LONP2: variants seen among roughly 807,000 people sequenced by gnomAD.
LONP2 encodes the protein lon protease homolog 2, peroxisomal.
In LONP2, 60 loss-of-function variants were observed where a neutral mutation model predicts 85.6. The observed-to-expected ratio is 0.70, with a 90% CI of 0.57 to 0.87. The LOEUF (loss-of-function observed/expected upper bound fraction) is 0.87, where lower values mean the gene tolerates loss of function less well. LONP2 is among the 40% of genes least tolerant of loss of function. The probability of loss-of-function intolerance (pLI) is 0.00; values close to 1 mark genes in which losing one functional copy is unlikely to be tolerated. For synonymous variants in LONP2, 395 were observed against 389.7 expected (o/e 1.01, Z -0.16); for missense variants, 860 against 1,063.5 (o/e 0.81, Z 2.66).
chr16:48,357,386 A>T (rs907369022), downstream of LONP2: 1 of 152,226 alleles, frequency 6.6e-6, no homozygotes, highest in Non-Finnish European at 1.5e-5. Context: ...AAACTACCAA[A>T]TACTCCTTTG....
At chr16:48,304,698 C>A (rs1972875843) in intron 11 of LONP2, among the ~76,000 whole-genome samples, 2 of 151,994 alleles carry the variant, frequency 1.3e-5, no homozygotes, top group Non-Finnish European at 2.9e-5. Flanking sequence ...AGCGAGACTC[C>A]ATCTCAAAAA....
chr16:48,255,655 CA>C lies in LONP2; in HGVS notation c.469-954del, dbSNP rs200786834. ...TTGAGTTGTAATAATTCCCATGTGT[CA>C]GGGGGCGGTGCCAGGTGTAGATAAT... On this transcript the variant is annotated intron_variant, in intron 2 of 14. Coordinates refer to ENST00000285737, the MANE Select transcript of LONP2 (RefSeq NM_031490.5). Among the ~76,000 whole-genome samples, 1,131 of 152,086 alleles carry C rather than the reference CA, an allele frequency of 7.4e-3. 11 individuals carry two copies. The highest frequency in any genetic ancestry group is 0.021 in the African/African-American group (865 of 41,494).
At chr16:48,309,292 G>T (rs1972979691) in intron 11 of LONP2, among the ~76,000 whole-genome samples, 1 of 152,096 alleles carries the variant, frequency 6.6e-6, no homozygotes, top group Admixed American at 6.5e-5. Flanking sequence ...TCCCACTACT[G>T]GGTATATACC....
chr16:48,333,058 T>G (rs1596993215), intron 11 of LONP2, among the ~76,000 whole-genome samples: 1 of 152,194 alleles, frequency 6.6e-6, no homozygotes, highest in East Asian at 1.9e-4. Context: ...GACAAGAAGT[T>G]AGAACAATTA....
chr16:48,281,862 A>C (rs927844836), intron 8 of LONP2, among the ~76,000 whole-genome samples: 20 of 152,214 alleles, frequency 1.3e-4, no homozygotes, highest in African/African-American at 4.6e-4. Context: ...TTTTGATTTG[A>C]GCTATACAAT....
intron 6 of LONP2, among the ~76,000 whole-genome samples, chr16:48,268,129 CAT>C (rs1173347409): frequency 3.9e-5 from 6 of 152,042 alleles, no homozygotes; most frequent in Non-Finnish European, 4.4e-5. Context: ...CATGTAATCA[CAT>C]GTTATTCAAA....
At chr16:48,277,925 T>C (rs971462923) in intron 8 of LONP2, among the ~76,000 whole-genome samples, 1 of 151,898 alleles carries the variant, frequency 6.6e-6, no homozygotes, top group African/African-American at 2.4e-5. Flanking sequence ...TCATTTTCTA[T>C]AGATGCCCCC....
intron 11 of LONP2, among the ~76,000 whole-genome samples, chr16:48,325,110 C>T (rs558350933): frequency 1.3e-5 from 2 of 152,246 alleles, no homozygotes; most frequent in East Asian, 1.9e-4. Flanking sequence ...TCTTCCACCT[C>T]GGATCATCAG....
At chr16:48,252,964 A>G (rs548695936) in intron 2 of LONP2, among the ~76,000 whole-genome samples, 1 of 152,344 alleles carries the variant, frequency 6.6e-6, no homozygotes, top group Admixed American at 6.5e-5. Context: ...GAAACATAAA[A>G]TTATAAAGTA....
At chr16:48,309,511 A>G (rs1223571265) in intron 11 of LONP2, among the ~76,000 whole-genome samples, 1 of 152,230 alleles carries the variant, frequency 6.6e-6, no homozygotes, top group East Asian at 1.9e-4. Flanking sequence ...ATGTGGACAT[A>G]TGAACATAGA....
chr16:48,256,541 A>T, intron 2 of LONP2, 69 bp from the exon 3 acceptor site: 10 of 1,529,284 alleles, frequency 6.5e-6, no homozygotes, highest in Non-Finnish European at 9.0e-6. Flanking sequence ...ACCTAGATGG[A>T]AATCTGATTT....
At chr16:48,261,307 A>G (rs2150969373) in intron 4 of LONP2, 117 bp from the exon 5 acceptor site, 1 of 699,034 alleles carries the variant, frequency 1.4e-6, no homozygotes, top group Non-Finnish European at 2.2e-6. Context: ...TCCTAAAGAT[A>G]GAGACTGTAG....
chr16:48,315,297 T>A (rs1243368718), intron 11 of LONP2, among the ~76,000 whole-genome samples: 1 of 152,224 alleles, frequency 6.6e-6, no homozygotes, highest in Non-Finnish European at 1.5e-5. Flanking sequence ...TTTACTTGTT[T>A]ATTCAACCTG....
In LONP2 at chr16:48,254,036, A is replaced by G. The variant is rs189668311; in HGVS notation, c.468+1671A>G. On this transcript the variant is annotated intron_variant, in intron 2 of 14. Transcript: ENST00000285737. ...CTACTTCTACTTCTGCATCTCTTCA[A>G]TGAACTTCTTCAATAGCATCCTGTC... 2.0e-5 allele frequency among the ~76,000 whole-genome samples: 3 copies of G among 152,040 alleles called. No individual in the cohort carries two copies. In the East Asian group the frequency reaches 5.8e-4, roughly 29 times the overall value.
chr16:48,271,069 A>C (rs946961752), intron 7 of LONP2, among the ~76,000 whole-genome samples: 8 of 152,244 alleles, frequency 5.3e-5, no homozygotes, highest in Admixed American at 3.3e-4. Context: ...GGTCCCAGCT[A>C]CTCAGGAGGC....
chr16:48,266,155 C>T (rs1318082471), intron 6 of LONP2, among the ~76,000 whole-genome samples: 1 of 152,018 alleles, frequency 6.6e-6, no homozygotes, highest in Admixed American at 6.6e-5. Flanking sequence ...AGGCACCTGC[C>T]ATGACACCCG....
chr16:48,343,566 C>T (rs909048149), intron 12 of LONP2, among the ~76,000 whole-genome samples: 3 of 151,986 alleles, frequency 2.0e-5, no homozygotes, highest in Admixed American at 6.6e-5. Context: ...GGCATGGTGA[C>T]GCACACCTGT....
chr16:48,254,596 C>T (rs1352618784), intron 2 of LONP2, among the ~76,000 whole-genome samples: 1 of 152,062 alleles, frequency 6.6e-6, no homozygotes, highest in Admixed American at 6.6e-5. Flanking sequence ...AACTCCTGAC[C>T]TCATGATCCA....
intron 8 of LONP2, among the ~76,000 whole-genome samples, chr16:48,293,729 T>C (rs1972607918): frequency 6.6e-6 from 1 of 152,106 alleles, no homozygotes; most frequent in African/African-American, 2.4e-5. Flanking sequence ...TGGGTATGGG[T>C]CATTTTTGCT....
Sources: gnomAD v4.1 joint callset for allele counts (sites outside exome capture counted in the v4.1 genomes callset) on GRCh38, gnomAD v4.1.1 for gene constraint, MANE v1.5 for transcripts, NCBI Gene and HGNC (gene_info 2026-07-23, HGNC 2026-07-21) for gene names.